The following DLG1 variants were observed in gnomAD, a reference collection of about 807,000 sequenced individuals.
DLG1 encodes discs large MAGUK scaffold protein 1, also known as disks large homolog 1.
DLG1 carries 42 observed loss-of-function variants against 123.4 expected under a neutral mutation model. That is an observed-to-expected ratio of 0.34 (90% CI 0.27 to 0.44). The LOEUF (loss-of-function observed/expected upper bound fraction) is 0.44, where lower values mean the gene tolerates loss of function less well. Ranked by LOEUF, DLG1 falls within the 20% of genes least tolerant of loss-of-function variation. DLG1 has a pLI of 1.00. For missense variants in DLG1, 942 were observed against 1,082.6 expected (o/e 0.87, Z 1.82); for synonymous variants, 317 against 356.2 (o/e 0.89, Z 1.24).
chr3:197,147,432 GCACACACACA>G (rs67643945), intron 6 of DLG1, among the ~76,000 whole-genome samples: 34,385 of 147,066 alleles, frequency 0.23, 4,686 homozygotes, highest in East Asian at 0.62. Flanking sequence ...TATATGGTGT[GCACACACACA>G]CACACACACA....
intron 4 of DLG1, among the ~76,000 whole-genome samples, chr3:197,239,660 T>C (rs903996549): frequency 7.2e-5 from 11 of 152,048 alleles, no homozygotes; most frequent in East Asian, 3.9e-4. Flanking sequence ...TCCTGGAATA[T>C]AGAATAAATC....
chr3:197,101,275 GA>G (rs972778428), intron 14 of DLG1, among the ~76,000 whole-genome samples: 8 of 152,204 alleles, frequency 5.3e-5, no homozygotes, highest in African/African-American at 1.9e-4. Context: ...GTAAAACGGG[GA>G]TAACGGTGCT....
chr3:197,297,890 C>A, intron 1 of DLG1: 1 of 985,186 alleles, frequency 1.0e-6, no homozygotes, highest in African/African-American at 1.7e-5. Context: ...TCCACGTACC[C>A]CCGCCCCGCC....
intron 3 of DLG1, among the ~76,000 whole-genome samples, chr3:197,290,700 T>G (rs1315769453): frequency 1.5e-4 from 23 of 151,976 alleles, no homozygotes; most frequent in Admixed American, 1.5e-3. Flanking sequence ...CCCAGAACTT[T>G]GCTCAGGAGT....
At chr3:197,287,517 T>C (rs1772460443) in intron 3 of DLG1, among the ~76,000 whole-genome samples, 2 of 152,142 alleles carry the variant, frequency 1.3e-5, no homozygotes, top group Non-Finnish European at 2.9e-5. Context: ...CATATATATA[T>C]ATGTTTTCTT....
chr3:197,174,343 A>C (rs1315268570), intron 5 of DLG1, among the ~76,000 whole-genome samples: 1 of 152,178 alleles, frequency 6.6e-6, no homozygotes, highest in Non-Finnish European at 1.5e-5. Flanking sequence ...TGGAAGCGAC[A>C]ATTTAAAAAA....
intron 5 of DLG1, among the ~76,000 whole-genome samples, chr3:197,157,333 C>G (rs911015783): frequency 4.6e-5 from 7 of 152,152 alleles, no homozygotes; most frequent in African/African-American, 1.7e-4. Context: ...AGCAAAGTAG[C>G]AGGATACAAA....
At chr3:197,204,236 T>C (rs1373169856) in intron 4 of DLG1, among the ~76,000 whole-genome samples, 1 of 152,250 alleles carries the variant, frequency 6.6e-6, no homozygotes, top group Non-Finnish European at 1.5e-5. Context: ...CAGAAATGCA[T>C]ACGAAACACT....
intron 5 of DLG1, among the ~76,000 whole-genome samples, chr3:197,162,253 T>C (rs1485480824): frequency 7.4e-6 from 1 of 135,840 alleles, no homozygotes; most frequent in South Asian, 2.4e-4. Flanking sequence ...TAACATTGAT[T>C]GTCTATTACA....
At position 197,064,958 on chromosome 3, in the gene DLG1, T is replaced by C. The variant is rs187472123; in HGVS notation, c.2373+318A>G. Reference sequence around the variant, plus strand: ...AGTAGCTAGGACTGTAAGGGTGCACTGCCACACCCGGCCCTTATCTCCTTT... The same window carrying C: ...AGTAGCTAGGACTGTAAGGGTGCACCGCCACACCCGGCCCTTATCTCCTTT... On this transcript the variant is annotated intron_variant, in intron 22 of 24. Coordinates refer to ENST00000667157, the MANE Select transcript of DLG1 (RefSeq NM_001366207.1). 6.8e-3 allele frequency among the ~76,000 whole-genome samples: 1,035 copies of C among 152,030 alleles called. 6 individuals carry two copies. The highest frequency in any genetic ancestry group is 9.4e-3 in the Non-Finnish European group (636 of 67,958).
At chr3:197,063,627 A>G (rs1737382636) in intron 22 of DLG1, among the ~76,000 whole-genome samples, 1 of 152,212 alleles carries the variant, frequency 6.6e-6, no homozygotes, top group Non-Finnish European at 1.5e-5. Flanking sequence ...TTATCTGGGC[A>G]TTTAGATGAT....
intron 19 of DLG1, among the ~76,000 whole-genome samples, chr3:197,068,795 G>A (rs1049212700): frequency 6.6e-6 from 1 of 151,982 alleles, no homozygotes; most frequent in Non-Finnish European, 1.5e-5. Context: ...GATAAACAAT[G>A]ACATGACCCA....
Position 197,073,494 on chromosome 3 carries a change from T to C in DLG1, c.2005+3092A>G, listed in dbSNP as rs1010176971. Among the ~76,000 whole-genome samples the C allele has an allele frequency of 9.8e-5, 15 of 152,340 alleles. No homozygotes were observed. In the East Asian group the frequency reaches 2.7e-3, roughly 27 times the overall value. ...TTTCAAAATTACCTCCCTTAAAGCATGAAAGCGGCACGGGTTTTTATTTCT... is the reference window on the plus strand; with the variant it reads ...TTTCAAAATTACCTCCCTTAAAGCACGAAAGCGGCACGGGTTTTTATTTCT... On this transcript the variant is annotated intron_variant, in intron 18 of 24. Coordinates refer to ENST00000667157, the MANE Select transcript of DLG1 (RefSeq NM_001366207.1).
chr3:197,251,716 A>G (rs1035739661), intron 4 of DLG1, among the ~76,000 whole-genome samples: 11 of 152,214 alleles, frequency 7.2e-5, no homozygotes, highest in African/African-American at 2.7e-4. Flanking sequence ...CACAATCAAC[A>G]AAGTGAAGAG....
intron 4 of DLG1, among the ~76,000 whole-genome samples, chr3:197,233,834 T>C (rs905321221): frequency 6.6e-6 from 1 of 152,252 alleles, no homozygotes; most frequent in Non-Finnish European, 1.5e-5. Flanking sequence ...AGGTTTTATG[T>C]AAGCTTCTAC....
intron 17 of DLG1, among the ~76,000 whole-genome samples, chr3:197,079,843 T>A (rs1398724942): frequency 6.6e-6 from 1 of 152,148 alleles, no homozygotes; most frequent in Admixed American, 6.5e-5. Flanking sequence ...CAGATTTAAC[T>A]TCTTGAACCA....
intron 6 of DLG1, among the ~76,000 whole-genome samples, chr3:197,143,016 A>G (rs1355708156): frequency 6.6e-6 from 1 of 152,196 alleles, no homozygotes; most frequent in Non-Finnish European, 1.5e-5. Flanking sequence ...AGCTTTTAAT[A>G]GTTTCAACCT....
chr3:197,106,381 G>A (rs1028396864), intron 13 of DLG1, among the ~76,000 whole-genome samples: 1 of 152,156 alleles, frequency 6.6e-6, no homozygotes, highest in African/African-American at 2.4e-5. Context: ...ACTCCAGCCT[G>A]GGTGACAGAG....
chr3:197,233,687 T>G (rs1744465796), intron 4 of DLG1, among the ~76,000 whole-genome samples: 1 of 151,692 alleles, frequency 6.6e-6, no homozygotes, highest in African/African-American at 2.4e-5. Flanking sequence ...GCCTGGCTAA[T>G]TTTTGTATTT....
Sources: allele counts gnomAD v4.1 joint callset (sites outside exome capture counted in the v4.1 genomes callset), GRCh38; gene constraint gnomAD v4.1.1; transcripts MANE v1.5; gene names NCBI Gene and HGNC (gene_info 2026-07-23, HGNC 2026-07-21).